LURAP1L: variants seen among roughly 807,000 people sequenced by gnomAD.
LURAP1L encodes the protein leucine rich adaptor protein 1-like.
A neutral mutation model predicts 13.8 loss-of-function variants in LURAP1L; 12 were observed. The observed-to-expected ratio is 0.87, with a 90% CI of 0.56 to 1.41. The LOEUF (loss-of-function observed/expected upper bound fraction) is 1.41. LURAP1L is among the 40% of genes most tolerant of loss of function. The probability of loss-of-function intolerance (pLI) is 0.00; values close to 1 mark genes in which losing one functional copy is unlikely to be tolerated. For synonymous variants in LURAP1L, 139 were observed against 119.2 expected, an observed-to-expected ratio of 1.17 and a Z score of -1.08; for missense variants, 375 against 292.9, an observed-to-expected ratio of 1.28 and a Z score of -2.04.
chr9:12,784,300 A>T (rs1819318961), intron 1 of LURAP1L, among the ~76,000 whole-genome samples: 2 of 152,150 alleles, frequency 1.3e-5, no homozygotes, highest in South Asian at 4.1e-4. Flanking sequence ...TATTTATTGT[A>T]GTCTTCATAG....
intron 1 of LURAP1L, among the ~76,000 whole-genome samples, chr9:12,816,889 G>T (rs1048109197): frequency 6.6e-6 from 1 of 152,144 alleles, no homozygotes; most frequent in Admixed American, 6.6e-5. Flanking sequence ...CCTTTGGACC[G>T]ATCAGTCTAA....
At chr9:12,812,656 G>A (rs181682960) in intron 1 of LURAP1L, among the ~76,000 whole-genome samples, 6 of 152,152 alleles carry the variant, frequency 3.9e-5, no homozygotes, top group African/African-American at 1.4e-4. Flanking sequence ...ATTACTAAAA[G>A]AGAAGATAAA....
intron 1 of LURAP1L, among the ~76,000 whole-genome samples, chr9:12,787,470 G>C (rs1586876782): frequency 6.6e-6 from 1 of 152,142 alleles, no homozygotes; most frequent in East Asian, 1.9e-4. Context: ...CAGCTGATGA[G>C]GCAAAAAGAC....
At chr9:12,809,640 G>A (rs1326505009) in intron 1 of LURAP1L, among the ~76,000 whole-genome samples, 1 of 152,104 alleles carries the variant, frequency 6.6e-6, no homozygotes, top group Non-Finnish European at 1.5e-5. Flanking sequence ...TGCTTGCTTT[G>A]TCTCTTCAGA....
At chr9:12,820,434 C>T (rs568016217) in intron 1 of LURAP1L, among the ~76,000 whole-genome samples, 4 of 135,988 alleles carry the variant, frequency 2.9e-5, no homozygotes, top group South Asian at 2.6e-4. Context: ...ACTCAGGAGG[C>T]GGAGCTTGCA....
intron 1 of LURAP1L, among the ~76,000 whole-genome samples, chr9:12,792,353 A>G (rs1489779036): frequency 6.6e-6 from 1 of 152,150 alleles, no homozygotes; most frequent in East Asian, 1.9e-4. Context: ...GTCTAAAAAA[A>G]AAGATTTCTC....
intron 1 of LURAP1L, among the ~76,000 whole-genome samples, chr9:12,802,820 C>T (rs1173450703): frequency 6.6e-6 from 1 of 152,138 alleles, no homozygotes; most frequent in Admixed American, 6.5e-5. Flanking sequence ...AATTACCTTT[C>T]CGCTTTTCCT....
At chr9:12,802,772 C>T (rs1051215796) in intron 1 of LURAP1L, among the ~76,000 whole-genome samples, 1 of 152,152 alleles carries the variant, frequency 6.6e-6, no homozygotes, top group African/African-American at 2.4e-5. Flanking sequence ...TCGGGGTTAT[C>T]TTTGCTCAAT....
rs556261443 is a variant in LURAP1L at position 12,799,685 on chromosome 9, T to C, written c.313-21701T>C. Among the ~76,000 whole-genome samples the C allele has an allele frequency of 2.6e-5, 4 of 152,138 alleles. No homozygotes were observed. The East Asian group carries it at 7.7e-4, about 29-fold the overall frequency. On this transcript the variant is annotated intron_variant, in intron 1 of 1. Transcript: ENST00000319264. Reference sequence around the variant, plus strand: ...CACGAGGTCAGGAGATCGAGACCACTGTGGCTAACATGGTGAAACCTCATC... The same window carrying C: ...CACGAGGTCAGGAGATCGAGACCACCGTGGCTAACATGGTGAAACCTCATC...
At chr9:12,805,950 A>G (rs143294123) in intron 1 of LURAP1L, among the ~76,000 whole-genome samples, 1 of 152,220 alleles carries the variant, frequency 6.6e-6, no homozygotes, top group South Asian at 2.1e-4. Flanking sequence ...GAAACAAACC[A>G]GAAAAAAAGA....
chr9:12,815,264 A>C (rs1819789620), intron 1 of LURAP1L, among the ~76,000 whole-genome samples: 3 of 152,190 alleles, frequency 2.0e-5, no homozygotes, highest in Admixed American at 2.0e-4. Context: ...CTTATGCAAA[A>C]GGAACAAGCA....
intron 1 of LURAP1L, among the ~76,000 whole-genome samples, chr9:12,816,661 CTCATT>C (rs2118549057): frequency 6.6e-6 from 1 of 152,230 alleles, no homozygotes; most frequent in African/African-American, 2.4e-5. Context: ...TTCAAGATTC[CTCATT>C]TCAAGTTCTA....
intron 1 of LURAP1L, among the ~76,000 whole-genome samples, chr9:12,817,330 T>A (rs1007517081): frequency 6.6e-6 from 1 of 152,172 alleles, no homozygotes; most frequent in Non-Finnish European, 1.5e-5. Flanking sequence ...AGGTACTAAT[T>A]CAGCACCTAC....
At chr9:12,797,356 C>G (rs117800824) in intron 1 of LURAP1L, among the ~76,000 whole-genome samples, 1,943 of 152,118 alleles carry the variant, frequency 0.013, 26 homozygotes, top group Non-Finnish European at 0.021. Context: ...AATCACACTG[C>G]GATTACTTTA....
intron 1 of LURAP1L, among the ~76,000 whole-genome samples, chr9:12,806,237 G>A (rs1445651560): frequency 6.6e-6 from 1 of 152,166 alleles, no homozygotes; most frequent in East Asian, 1.9e-4. Flanking sequence ...TGGTACAGCT[G>A]GTTCAAGAGA....
intron 1 of LURAP1L, among the ~76,000 whole-genome samples, chr9:12,796,677 T>C (rs1482417790): frequency 1.3e-5 from 2 of 152,062 alleles, no homozygotes; most frequent in Non-Finnish European, 2.9e-5. Context: ...TTTTGCCAAC[T>C]GAATATTCTA....
intron 1 of LURAP1L, among the ~76,000 whole-genome samples, chr9:12,794,429 T>A (rs1026215883): frequency 6.6e-6 from 1 of 152,022 alleles, no homozygotes; most frequent in Non-Finnish European, 1.5e-5. Flanking sequence ...ACCCTCTACA[T>A]GAAAAATCCC....
chr9:12,783,111 G>C (rs890055773), intron 1 of LURAP1L, among the ~76,000 whole-genome samples: 11 of 152,014 alleles, frequency 7.2e-5, no homozygotes, highest in African/African-American at 2.7e-4. Flanking sequence ...TCTTGGTGGA[G>C]TCTTCAGGTT....
At chr9:12,788,257 A>T (rs1456803812) in intron 1 of LURAP1L, among the ~76,000 whole-genome samples, 1 of 152,170 alleles carries the variant, frequency 6.6e-6, no homozygotes, top group Non-Finnish European at 1.5e-5. Context: ...CTAAAATAAA[A>T]GACTTTCAAG....
Sources: gnomAD v4.1 joint callset for allele counts (sites outside exome capture counted in the v4.1 genomes callset) on GRCh38, gnomAD v4.1.1 for gene constraint, MANE v1.5 for transcripts, NCBI Gene and HGNC (gene_info 2026-07-23, HGNC 2026-07-21) for gene names.